YES1: variants seen among roughly 807,000 people sequenced by gnomAD.
YES1 encodes the protein YES proto-oncogene 1, Src family tyrosine kinase.
In YES1, 39 loss-of-function variants were observed where a neutral mutation model predicts 70.4. That is an observed-to-expected ratio of 0.55 (90% CI 0.43 to 0.72). YES1 has a LOEUF of 0.72. Ranked by LOEUF, YES1 falls within the 30% of genes least tolerant of loss-of-function variation. The pLI is 0.00. For synonymous variants in YES1, 198 were observed against 218.6 expected (o/e 0.91, Z 0.83); for missense variants, 495 against 644.8 (o/e 0.77, Z 2.52).
Position 732,913 on chromosome 18 carries a change from C to T in YES1, c.1344G>A (p.Arg448=), listed in dbSNP as rs1421203554. ...ACCAGACATCAGACTTTATTGTAAA[C>T]CGACCATACAGTGCAGCTTCAGGAG... ...WTAPEAALYG[R]FTIKSDVWSF... Residue 448 remains arginine (R), a synonymous_variant, in exon 11 of 12, where the codon CGG becomes CGA. Transcript: ENST00000314574. 1 of 1,614,146 alleles carries T rather than the reference C, an allele frequency of 6.2e-7. No individual in the cohort carries two copies. Among genetic ancestry groups the T allele is most frequent in the Middle Eastern group, 1.6e-4 (1 of 6,062 alleles).
chr18:779,456 T>C (rs1905547836), intron 1 of YES1, among the ~76,000 whole-genome samples: 1 of 151,646 alleles, frequency 6.6e-6, no homozygotes, highest in Non-Finnish European at 1.5e-5. Context: ...TTTTTTGTTA[T>C]AGATTATAGT....
At chr18:786,166 T>C (rs1905926959) in intron 1 of YES1, among the ~76,000 whole-genome samples, 2 of 151,770 alleles carry the variant, frequency 1.3e-5, no homozygotes, top group African/African-American at 4.8e-5. Flanking sequence ...GATGCAATTG[T>C]TCTTCAAATA....
intron 11 of YES1, among the ~76,000 whole-genome samples, chr18:732,056 G>C (rs2080096518): frequency 6.7e-6 from 1 of 150,208 alleles, no homozygotes; most frequent in African/African-American, 2.5e-5. Context: ...ATTTATTAAA[G>C]TGCTGGTTTA....
chr18:733,036 G>A (rs1012511837), intron 10 of YES1, 71 bp from the exon 11 acceptor site: 1 of 1,483,596 alleles, frequency 6.7e-7, no homozygotes, highest in African/African-American at 1.4e-5. Context: ...GCATATGCAG[G>A]GCTAATGTTC....
chr18:753,882 T>C (rs913973400), intron 2 of YES1, among the ~76,000 whole-genome samples: 4 of 152,206 alleles, frequency 2.6e-5, no homozygotes, highest in Admixed American at 2.0e-4. Flanking sequence ...TACCCAAGTC[T>C]TTCCTATCTA....
intron 11 of YES1, among the ~76,000 whole-genome samples, chr18:732,435 T>TAAAAA (rs11460599): frequency 1.8e-4 from 16 of 90,430 alleles, no homozygotes; most frequent in African/African-American, 2.3e-4. Flanking sequence ...AGACTGTGTT[T>TAAAAA]AAAAAAAAAA....
intron 1 of YES1, among the ~76,000 whole-genome samples, chr18:808,336 G>C (rs1437067751): frequency 6.6e-6 from 1 of 152,182 alleles, no homozygotes; most frequent in Non-Finnish European, 1.5e-5. Flanking sequence ...TGGATGGTTA[G>C]TAATCACCCA....
At chr18:804,630 A>C (rs1277774623) in intron 1 of YES1, among the ~76,000 whole-genome samples, 10 of 135,406 alleles carry the variant, frequency 7.4e-5, no homozygotes, top group Non-Finnish European at 1.4e-4. Flanking sequence ...AAAAAAAAAA[A>C]GGCCAGCTGA....
chr18:810,449 A>G (rs528546278), intron 1 of YES1, among the ~76,000 whole-genome samples: 36 of 152,344 alleles, frequency 2.4e-4, no homozygotes, highest in Non-Finnish European at 4.7e-4. Flanking sequence ...CAAAGCTGTA[A>G]TTTCACTTTC....
chr18:787,847 A>G (rs985868864), intron 1 of YES1: 6 of 152,198 alleles, frequency 3.9e-5, no homozygotes, highest in Admixed American at 6.5e-5. Context: ...GATAAAAAAG[A>G]CTGATATTAA....
intron 1 of YES1, among the ~76,000 whole-genome samples, chr18:805,080 C>T (rs1053834400): frequency 6.6e-6 from 1 of 152,058 alleles, no homozygotes; most frequent in Non-Finnish European, 1.5e-5. Flanking sequence ...CAAACATTTC[C>T]TTAAAATTTT....
intron 11 of YES1, 82 bp from the exon 12 acceptor site, chr18:724,714 T>C (rs568249458): frequency 1.9e-6 from 2 of 1,035,614 alleles, no homozygotes; most frequent in Non-Finnish European, 2.9e-6. Flanking sequence ...AGCCACTAAC[T>C]CATTCAAAGT....
intron 11 of YES1, among the ~76,000 whole-genome samples, chr18:730,709 C>G (rs917276692): frequency 6.6e-6 from 1 of 152,142 alleles, no homozygotes; most frequent in Non-Finnish European, 1.5e-5. Context: ...ATGCAATGTC[C>G]TATCAGTTCT....
chr18:743,116 T>A lies in YES1; in HGVS notation c.881-19A>T, dbSNP rs1285705554. 9.0e-6 allele frequency: 14 copies of A among 1,562,404 alleles called. No homozygotes were observed. The highest frequency in any genetic ancestry group is 1.2e-5 in the Non-Finnish European group (14 of 1,159,126). Reference sequence around the variant, plus strand: ...CATGTTCCTAAAGAAATAACACATTTTAGGAATTTATATTTTAAAGGATTT... The same window carrying A: ...CATGTTCCTAAAGAAATAACACATTATAGGAATTTATATTTTAAAGGATTT... On this transcript the variant is annotated intron_variant, in intron 7 of 11. Transcript: ENST00000314574.
chr18:795,821 G>A lies in YES1; in HGVS notation c.-9+16293C>T, dbSNP rs560618834. Among the ~76,000 whole-genome samples, 278 of 151,934 alleles carry A rather than the reference G, an allele frequency of 1.8e-3. 1 individual carries two copies. The highest frequency in any genetic ancestry group is 3.0e-3 in the Admixed American group (46 of 15,240). On this transcript the variant is annotated intron_variant, in intron 1 of 11. Coordinates refer to ENST00000314574, the MANE Select transcript of YES1 (RefSeq NM_005433.4). ...CTAATGCATGCGGGGCTTAAGACTA[G>A]ATGACGGGTTGATAGGTGAAGCAAA...
At chr18:740,013 C>G (rs540270210) in intron 8 of YES1, among the ~76,000 whole-genome samples, 1 of 152,058 alleles carries the variant, frequency 6.6e-6, no homozygotes, top group Non-Finnish European at 1.5e-5. Flanking sequence ...CTTCTGATAA[C>G]ACATGCAAAA....
intron 1 of YES1, among the ~76,000 whole-genome samples, chr18:761,727 A>T (rs1189477716): frequency 6.6e-6 from 1 of 152,176 alleles, no homozygotes; most frequent in African/African-American, 2.4e-5. Flanking sequence ...AGGATAGCCC[A>T]TTAATTTCAG....
rs1038242821 is a variant in YES1 at position 721,774 on chromosome 18, C to T, written c.*2650G>A. 6.6e-6 allele frequency: 1 copy of T among 152,316 alleles called. No individual in the cohort carries two copies. The highest frequency in any genetic ancestry group is 1.5e-5 in the Non-Finnish European group (1 of 68,018). 9.4% of individuals were successfully genotyped at this position (152,316 alleles called of 1,614,324 possible). Reference sequence around the variant, plus strand: ...TGCATTCAATGAGAACTTTTTATTTCAATTATCCACAAAACAATATTACAA... The same window carrying T: ...TGCATTCAATGAGAACTTTTTATTTTAATTATCCACAAAACAATATTACAA... On this transcript the variant is annotated 3_prime_UTR_variant, in exon 12 of 12. Coordinates refer to ENST00000314574, the MANE Select transcript of YES1 (RefSeq NM_005433.4).
chr18:782,096 T>C (rs1568212444), intron 1 of YES1, among the ~76,000 whole-genome samples: 1 of 152,154 alleles, frequency 6.6e-6, no homozygotes, highest in Non-Finnish European at 1.5e-5. Flanking sequence ...CCCAACTACC[T>C]GGTCCCTCTC....
Sources: allele counts gnomAD v4.1 joint callset (sites outside exome capture counted in the v4.1 genomes callset), GRCh38; gene constraint gnomAD v4.1.1; transcripts MANE v1.5; gene names NCBI Gene and HGNC (gene_info 2026-07-23, HGNC 2026-07-21).